Variants in COLQ observed in about 807,000 individuals in gnomAD.
COLQ encodes the protein acetylcholinesterase collagenic tail peptide.
A neutral mutation model predicts 69.0 loss-of-function variants in COLQ; 48 were observed. That is an observed-to-expected ratio of 0.70 (90% CI 0.55 to 0.88). COLQ has a LOEUF of 0.88. COLQ is among the 40% of genes least tolerant of loss of function. The pLI, the probability that COLQ is intolerant of heterozygous loss-of-function variation, is 0.00. For synonymous variants in COLQ, 217 were observed against 211.2 expected, an observed-to-expected ratio of 1.03 and a Z score of -0.24; for missense variants, 618 against 594.6, an observed-to-expected ratio of 1.04 and a Z score of -0.41.
chr3:15,453,950 G>A lies in COLQ; in HGVS notation c.1196-19C>T. 1 of 1,564,778 alleles carries A rather than the reference G, an allele frequency of 6.4e-7. No homozygotes were observed. The highest frequency in any genetic ancestry group is 8.7e-7 in the Non-Finnish European group (1 of 1,143,984). On this transcript the variant is annotated intron_variant, in intron 15 of 16. Coordinates refer to ENST00000383788, the MANE Select transcript of COLQ (RefSeq NM_005677.4). ...TGACAGCCTGAGGGGACATAAGGAG[G>A]TGCAGTCTTGAGAAGGAGCAGAGGC...
intron 8 of COLQ, 113 bp downstream of exon 8, chr3:15,474,812 G>T: frequency 8.1e-7 from 1 of 1,236,038 alleles, no homozygotes; most frequent in Non-Finnish European, 1.2e-6. Flanking sequence ...GCTAGGGATG[G>T]TGGCTTCAGT....
At chr3:15,495,498 G>T (rs1012202669) in intron 1 of COLQ, among the ~76,000 whole-genome samples, 5 of 152,216 alleles carry the variant, frequency 3.3e-5, no homozygotes, top group Admixed American at 2.0e-4. Context: ...AGCAAGGATA[G>T]GAGAATGTTT....
chr3:15,477,310 C>G (rs1321278612), intron 5 of COLQ, 113 bp from the exon 6 acceptor site: 2 of 911,024 alleles, frequency 2.2e-6, no homozygotes, highest in African/African-American at 3.3e-5. Context: ...GGCATGGCTA[C>G]TATGACCCTC....
Position 15,453,880 on chromosome 3 carries a change from T to C in COLQ, c.1247A>G (p.Asp416Gly), listed in dbSNP as rs1363542927. Reference sequence around the variant, plus strand: ...GTAGCCAAAGTCAGAGCCGTCACAGTCCTCCACACCCTCATGCCGGTGACC... The same window carrying C: ...GTAGCCAAAGTCAGAGCCGTCACAGCCCTCCACACCCTCATGCCGGTGACC... ...GDGHRHEGVE[D>G]CDGSDFGYLT... Residue 416 changes from aspartate (D) to glycine (G), a missense_variant, in exon 16 of 17, where the codon GAC (aspartate) becomes GGC (glycine). By Grantham distance (94) the Asp-to-Gly change is moderately conservative. Coordinates refer to ENST00000383788, the MANE Select transcript of COLQ (RefSeq NM_005677.4). The C allele has an allele frequency of 1.9e-6, 3 of 1,612,090 alleles. No individual in the cohort carries two copies. The Admixed American group carries it at 5.0e-5, about 27-fold the overall frequency.
intron 6 of COLQ, among the ~76,000 whole-genome samples, chr3:15,476,347 A>C (rs539559014): frequency 2.0e-5 from 3 of 152,382 alleles, no homozygotes; most frequent in African/African-American, 7.2e-5. Context: ...AAATTTAAAA[A>C]TTCAGTTCCT....
intron 1 of COLQ, among the ~76,000 whole-genome samples, chr3:15,493,134 G>A (rs2125145990): frequency 6.6e-6 from 1 of 152,286 alleles, no homozygotes; most frequent in South Asian, 2.1e-4. Flanking sequence ...ATTTAGACAG[G>A]AAGACTTCCA....
At chr3:15,453,115 T>C (rs2061972592) in intron 16 of COLQ, among the ~76,000 whole-genome samples, 1 of 152,218 alleles carries the variant, frequency 6.6e-6, no homozygotes, top group South Asian at 2.1e-4. Context: ...TGGGGAGACA[T>C]GTACCTTCTG....
intron 16 of COLQ, among the ~76,000 whole-genome samples, chr3:15,453,238 CT>C (rs762619468): frequency 9.2e-5 from 14 of 152,186 alleles, no homozygotes; most frequent in African/African-American, 2.9e-4. Context: ...CACTAGAATA[CT>C]TGTCCTGAAC....
At chr3:15,479,198 C>T (rs754326892) in intron 4 of COLQ, 140 bp downstream of exon 4, 27 of 1,126,132 alleles carry the variant, frequency 2.4e-5, no homozygotes, top group Non-Finnish European at 3.4e-5. Flanking sequence ...AGCAGCCCAG[C>T]CATCATGGAA....
chr3:15,494,557 T>A (rs1006976492), intron 1 of COLQ, among the ~76,000 whole-genome samples: 4 of 152,072 alleles, frequency 2.6e-5, no homozygotes, highest in African/African-American at 9.7e-5. Flanking sequence ...CTAAATGGCA[T>A]CTGTAGTTGG....
chr3:15,504,241 T>C (rs1208710498), intron 1 of COLQ, among the ~76,000 whole-genome samples: 1 of 152,172 alleles, frequency 6.6e-6, no homozygotes. Flanking sequence ...GGTTCGTGTA[T>C]TGGTTTTCTA....
At chr3:15,520,334 C>T (rs747594417) in intron 1 of COLQ, among the ~76,000 whole-genome samples, 1 of 152,224 alleles carries the variant, frequency 6.6e-6, no homozygotes, top group Non-Finnish European at 1.5e-5. Context: ...CTGTTTCTCA[C>T]ACTTTTATAA....
chr3:15,516,424 A>G (rs2063064147), intron 1 of COLQ, among the ~76,000 whole-genome samples: 1 of 152,168 alleles, frequency 6.6e-6, no homozygotes, highest in Admixed American at 6.5e-5. Flanking sequence ...ACCCAGACAG[A>G]AATCACATCC....
At chr3:15,451,737 T>C in intron 16 of COLQ, 24 bp from the exon 17 acceptor site, 1 of 1,603,984 alleles carries the variant, frequency 6.2e-7, no homozygotes, top group Non-Finnish European at 8.5e-7. Context: ...AGACACGTTC[T>C]AAAAGGCCAC....
rs1341977323 is a variant in COLQ, at chr3:15,458,307, G to T, written c.833C>A (p.Pro278His). 4 of 1,613,972 alleles carry T rather than the reference G, an allele frequency of 2.5e-6. No homozygotes were observed. Among genetic ancestry groups the T allele is most frequent in the African/African-American group, 1.3e-5 (1 of 74,886 alleles). The part of the protein sequence containing the change: ...PPPAGQLIMG[P>H]KGERGFPGPP... ...CCCGGGAAATCCTCTTTCCCCTTTG[G>T]GTCCCATTATAAGTTGTCCTAGGAA... is the stretch of plus-strand genomic sequence containing the variant. The change falls in exon 13 of 17, where the codon CCC (proline) becomes CAC (histidine). Residue 278 changes from proline to histidine, a missense_variant. By Grantham distance (77) the Pro-to-His change is moderately conservative. Transcript: ENST00000383788.
At chr3:15,477,563 CT>C (rs1359621227) in intron 5 of COLQ, 2 of 266,534 alleles carry the variant, frequency 7.5e-6, no homozygotes, top group African/African-American at 4.4e-5. Flanking sequence ...GTAGCAGATG[CT>C]GTCAGCACTC....
In COLQ at chr3:15,450,760, G is replaced by C. The variant is rs2061930504; in HGVS notation, c.*884C>G. 6.6e-6 allele frequency: 1 copy of C among 152,432 alleles called. No homozygotes were observed. The highest frequency in any genetic ancestry group is 2.4e-5 in the African/African-American group (1 of 41,460). The allele number at this position is 152,432 out of a possible 1,614,324, so 9.4% of individuals were successfully genotyped here. On this transcript the variant is annotated 3_prime_UTR_variant, in exon 17 of 17. Coordinates refer to ENST00000383788, the MANE Select transcript of COLQ (RefSeq NM_005677.4). ...AGATCGGGGACTCAGGGGAGTATCT[G>C]CCTAAGGACCAAGGAGACACCAACA...
chr3:15,471,279 G>A lies in COLQ; in HGVS notation c.637-663C>T, dbSNP rs190642269. Among the ~76,000 whole-genome samples, 351 of 152,272 alleles carry A rather than the reference G, an allele frequency of 2.3e-3. 1 individual carries two copies. Among genetic ancestry groups the A allele is most frequent in the African/African-American group, 7.9e-3 (328 of 41,536 alleles). ...CAATATAATTATTGAAAAAGGCATG[G>A]AGAACAATGGAAACAATATTCCTGT... On this transcript the variant is annotated intron_variant, in intron 10 of 16. Transcript: ENST00000383788.
intron 5 of COLQ, chr3:15,478,506 G>A: frequency 4.6e-6 from 1 of 219,546 alleles, no homozygotes; most frequent in Non-Finnish European, 9.2e-6. Flanking sequence ...CATGTGTTTG[G>A]TTCACGCAGA....
Sources: allele counts gnomAD v4.1 joint callset (sites outside exome capture counted in the v4.1 genomes callset), GRCh38; gene constraint gnomAD v4.1.1; transcripts MANE v1.5; gene names NCBI Gene and HGNC (gene_info 2026-07-23, HGNC 2026-07-21).